COL13A1: variants seen among roughly 807,000 people sequenced by gnomAD.
COL13A1 encodes collagen alpha-1(XIII) chain.
A neutral mutation model predicts 130.9 loss-of-function variants in COL13A1; 89 were observed. The observed-to-expected ratio is 0.68, with a 90% CI of 0.57 to 0.81. The LOEUF is 0.81. Among genes scored for constraint, COL13A1 ranks in the 30% least tolerant of loss-of-function variants. The probability of loss-of-function intolerance (pLI) is 0.00; values close to 1 mark genes in which losing one functional copy is unlikely to be tolerated. For synonymous variants in COL13A1, 402 were observed against 341.6 expected (o/e 1.18, Z -1.95); for missense variants, 879 against 934.6 (o/e 0.94, Z 0.78).
intron 1 of COL13A1, 137 bp downstream of exon 1, chr10:69,802,854 C>A (rs1364829641): frequency 1.1e-5 from 12 of 1,130,740 alleles, no homozygotes; most frequent in South Asian, 1.4e-5. Flanking sequence ...CGGGAGGGGT[C>A]GGGGACACGG....
At chr10:69,914,747 A>AG (rs915564705) in intron 17 of COL13A1, among the ~76,000 whole-genome samples, 35 of 152,346 alleles carry the variant, frequency 2.3e-4, no homozygotes, top group African/African-American at 7.2e-4. Flanking sequence ...AAAGAATGAC[A>AG]GGAGCCCTCA....
chr10:69,845,896 C>G (rs1283634361), intron 2 of COL13A1, among the ~76,000 whole-genome samples: 1 of 152,230 alleles, frequency 6.6e-6, no homozygotes, highest in South Asian at 2.1e-4. Flanking sequence ...AGTCACTGAA[C>G]TGCTAAATTT....
chr10:69,888,792 G>T (rs1334940557), intron 9 of COL13A1, among the ~76,000 whole-genome samples: 1 of 152,180 alleles, frequency 6.6e-6, no homozygotes, highest in Non-Finnish European at 1.5e-5. Flanking sequence ...CGTGGAGACT[G>T]CTTCCCACCA....
At chr10:69,910,323 C>T (rs1005575417) in intron 17 of COL13A1, among the ~76,000 whole-genome samples, 1 of 151,964 alleles carries the variant, frequency 6.6e-6, no homozygotes, top group African/African-American at 2.4e-5. Flanking sequence ...CAAGCTGAGA[C>T]AGGGGCCATG....
chr10:69,802,768 C>G, intron 1 of COL13A1, 51 bp downstream of exon 1: 1 of 1,602,964 alleles, frequency 6.2e-7, no homozygotes, highest in Non-Finnish European at 8.5e-7. Context: ...CGCCCCCTCG[C>G]GCAGCCTCCA....
At chr10:69,919,384 GA>G (rs2064337979) in intron 20 of COL13A1, among the ~76,000 whole-genome samples, 1 of 152,146 alleles carries the variant, frequency 6.6e-6, no homozygotes, top group African/African-American at 2.4e-5. Context: ...TATGTGACAA[GA>G]AAAAAAGTTT....
intron 38 of COL13A1, among the ~76,000 whole-genome samples, chr10:69,951,192 C>G (rs2069502864): frequency 6.6e-6 from 1 of 152,092 alleles, no homozygotes; most frequent in African/African-American, 2.4e-5. Context: ...AACATCTACC[C>G]TGCAGCCTTC....
intron 21 of COL13A1, among the ~76,000 whole-genome samples, 199 bp from the exon 22 acceptor site, chr10:69,921,683 C>T (rs1237708732): frequency 2.0e-5 from 3 of 152,180 alleles, no homozygotes; most frequent in African/African-American, 7.2e-5. Flanking sequence ...GCAGGTGTCA[C>T]CAACGCGAAG....
At chr10:69,873,005 G>A (rs1224821944) in intron 4 of COL13A1, among the ~76,000 whole-genome samples, 1 of 152,146 alleles carries the variant, frequency 6.6e-6, no homozygotes, top group African/African-American at 2.4e-5. Context: ...CTAGCCTGGG[G>A]CATGGATGAG....
Position 69,933,135 on chromosome 10 carries a change from C to CAAAAAAAAAAAAAAAAAAAAAAAA in COL13A1, c.1728+540_1728+563dup, listed in dbSNP as rs34323794. 8.1e-4 allele frequency among the ~76,000 whole-genome samples: 36 copies of CAAAAAAAAAAAAAAAAAAAAAAAA among 44,426 alleles called. 2 individuals are homozygous for CAAAAAAAAAAAAAAAAAAAAAAAA. The highest frequency in any genetic ancestry group is 1.3e-3 in the Non-Finnish European group (31 of 24,524). 29.1% of individuals were successfully genotyped at this position (44,426 alleles called of 152,430 possible). A position where few individuals can be genotyped will look rare whatever the true frequency, so the allele number is the denominator to read the frequency against. On this transcript the variant is annotated intron_variant, in intron 31 of 40. Coordinates refer to ENST00000645393, the MANE Select transcript of COL13A1 (RefSeq NM_001368882.1). ...TGGGCAACAGAGTGAGACTCTGCCT[C>CAAAAAAAAAAAAAAAAAAAAAAAA]AAAAAAAAAAAAAAAAAAAAAAAAA... is the stretch of plus-strand genomic sequence containing the variant.
intron 2 of COL13A1, among the ~76,000 whole-genome samples, chr10:69,861,058 G>A (rs138383754): frequency 2.6e-5 from 4 of 152,280 alleles, no homozygotes; most frequent in African/African-American, 4.8e-5. Context: ...ACCCTCCTGC[G>A]TCCACAGAGA....
intron 12 of COL13A1, among the ~76,000 whole-genome samples, chr10:69,895,135 C>A (rs1195751952): frequency 6.6e-6 from 1 of 152,228 alleles, no homozygotes; most frequent in Non-Finnish European, 1.5e-5. Flanking sequence ...GGTACAGGGG[C>A]CTGGCGCTCC....
chr10:69,875,106 T>A, intron 4 of COL13A1, 22 bp from the exon 5 acceptor site: 6 of 1,614,012 alleles, frequency 3.7e-6, no homozygotes, highest in Non-Finnish European at 4.2e-6. Flanking sequence ...CATCTGACTG[T>A]TTCTGCCTCC....
chr10:69,833,491 C>G (rs1362388044), intron 2 of COL13A1, among the ~76,000 whole-genome samples: 1 of 152,150 alleles, frequency 6.6e-6, no homozygotes, highest in African/African-American at 2.4e-5. Flanking sequence ...CCGTGGGATG[C>G]AAGGTGATCA....
chr10:69,884,687 T>C (rs539496041), intron 7 of COL13A1, among the ~76,000 whole-genome samples: 1 of 152,266 alleles, frequency 6.6e-6, no homozygotes, highest in Non-Finnish European at 1.5e-5. Flanking sequence ...GATGTAATAT[T>C]AATCCATGAA....
intron 38 of COL13A1, among the ~76,000 whole-genome samples, chr10:69,950,593 T>C (rs1177055650): frequency 6.6e-6 from 1 of 152,158 alleles, no homozygotes; most frequent in Non-Finnish European, 1.5e-5. Flanking sequence ...CCCACCCAAA[T>C]AGCTAGTGGT....
At chr10:69,846,569 C>T (rs73267751) in intron 2 of COL13A1, among the ~76,000 whole-genome samples, 9,174 of 152,168 alleles carry the variant, frequency 0.06, 978 homozygotes, top group African/African-American at 0.21. Context: ...CCTGCCCTCC[C>T]CTTCTTCTGC....
At chr10:69,904,843 G>A in intron 15 of COL13A1, 90 bp from the exon 16 acceptor site, 4 of 1,396,474 alleles carry the variant, frequency 2.9e-6, no homozygotes, top group Non-Finnish European at 9.7e-7. Flanking sequence ...GAGCTGCTCT[G>A]CCCCTAGGGT....
chr10:69,888,558 G>A (rs527923255), intron 9 of COL13A1, among the ~76,000 whole-genome samples: 1 of 152,316 alleles, frequency 6.6e-6, no homozygotes, highest in East Asian at 1.9e-4. Flanking sequence ...TCGAAGTCCA[G>A]GCGAGAGCCA....
Sources: gnomAD v4.1 joint callset for allele counts (sites outside exome capture counted in the v4.1 genomes callset) on GRCh38, gnomAD v4.1.1 for gene constraint, MANE v1.5 for transcripts, NCBI Gene and HGNC (gene_info 2026-07-23, HGNC 2026-07-21) for gene names.